The following FLVCR2 variants were observed in gnomAD, a reference collection of about 807,000 sequenced individuals.
The protein encoded by FLVCR2 is FLVCR choline and putative heme transporter 2.
In FLVCR2, 38 loss-of-function variants were observed where a neutral mutation model predicts 48.9. That is an observed-to-expected ratio of 0.78 (90% CI 0.60 to 1.02). The LOEUF (loss-of-function observed/expected upper bound fraction) is 1.02. Ranked by LOEUF, FLVCR2 falls within the 50% of genes least tolerant of loss-of-function variation. The pLI, the probability that FLVCR2 is intolerant of heterozygous loss-of-function variation, is 0.00. For synonymous variants in FLVCR2, 255 were observed against 257.0 expected (o/e 0.99, Z 0.07); for missense variants, 664 against 663.3 (o/e 1.00, Z -0.01).
chr14:75,607,346 G>A (rs1286351092), intron 1 of FLVCR2, among the ~76,000 whole-genome samples: 3 of 152,078 alleles, frequency 2.0e-5, no homozygotes, highest in Non-Finnish European at 2.9e-5. Flanking sequence ...AAAGGTAAAC[G>A]GAGGTGCAAT....
rs1392504596 is a variant in FLVCR2 at position 75,641,930 on chromosome 14, T to C, written c.1509+32T>C. 1.9e-6 allele frequency: 3 copies of C among 1,603,868 alleles called. No individual in the cohort carries two copies. The African/African-American group carries it at 4.0e-5, about 21-fold the overall frequency. ...ATATGGGAGCTTTGTGGGGCTGAGA[T>C]CGGGGTCCAAGGCTTTTGATGAGGA... is the stretch of plus-strand genomic sequence containing the variant. On this transcript the variant is annotated intron_variant, in intron 9 of 9. Coordinates refer to ENST00000238667, the MANE Select transcript of FLVCR2 (RefSeq NM_017791.3).
At chr14:75,641,970 T>C (rs371558489) in intron 9 of FLVCR2, 72 bp downstream of exon 9, 187 of 1,374,508 alleles carry the variant, frequency 1.4e-4, no homozygotes, top group Non-Finnish European at 1.9e-4. Flanking sequence ...GCAACATAGA[T>C]GGGGCAGGGA....
chr14:75,579,053 C>T lies in FLVCR2; in HGVS notation c.81C>T (p.Val27=). 1 of 1,601,396 alleles carries T rather than the reference C, an allele frequency of 6.2e-7. No individual in the cohort carries two copies. Among genetic ancestry groups the T allele is most frequent in the Non-Finnish European group, 8.5e-7 (1 of 1,171,564 alleles). The change falls in exon 1 of 10, where the codon GTC becomes GTT. Residue 27 remains valine (V), a synonymous_variant. Transcript: ENST00000238667. ...PESALQADPS[V]SVHPSVSVHP... ...CCGCACTCCAAGCGGACCCCAGCGT[C>T]TCGGTCCATCCCAGCGTCTCGGTCC...
At chr14:75,585,720 G>A (rs1012295063) in intron 1 of FLVCR2, among the ~76,000 whole-genome samples, 6 of 152,186 alleles carry the variant, frequency 3.9e-5, no homozygotes, top group African/African-American at 1.4e-4. Flanking sequence ...AGGCGTCCCC[G>A]CAATGATTAA....
chr14:75,612,971 A>T (rs1889498119), intron 1 of FLVCR2, among the ~76,000 whole-genome samples: 1 of 152,238 alleles, frequency 6.6e-6, no homozygotes, highest in Non-Finnish European at 1.5e-5. Context: ...GCCAAGGGGT[A>T]GAGAGCAGTA....
chr14:75,604,882 C>A (rs932493415), intron 1 of FLVCR2, among the ~76,000 whole-genome samples: 2 of 152,130 alleles, frequency 1.3e-5, no homozygotes, highest in Non-Finnish European at 2.9e-5. Flanking sequence ...AAACTAAAAG[C>A]AATATGGGTG....
Position 75,641,778 on chromosome 14 carries a change from C to A in FLVCR2, c.1454-65C>A. On this transcript the variant is annotated intron_variant, in intron 8 of 9. Transcript: ENST00000238667. ...TGTGACCCTTAGGAAATGAAGGTTT[C>A]TTCTCTCGGATGAACGTGATAACTG... The A allele has an allele frequency of 4.2e-6, 6 of 1,428,270 alleles. No individual in the cohort carries two copies. In the South Asian group the frequency reaches 4.6e-5, roughly 11 times the overall value. 88.5% of individuals were successfully genotyped at this position (1,428,270 alleles called of 1,614,324 possible). A position where few individuals can be genotyped will look rare whatever the true frequency, so the allele number is the denominator to read the frequency against.
chr14:75,587,648 A>G lies in FLVCR2; in HGVS notation c.669+8007A>G, dbSNP rs1444271411. 2.6e-5 allele frequency among the ~76,000 whole-genome samples: 4 copies of G among 152,324 alleles called. No individual in the cohort carries two copies. In the South Asian group the frequency reaches 6.2e-4, roughly 24 times the overall value. On this transcript the variant is annotated intron_variant, in intron 1 of 9. Transcript: ENST00000238667. ...TGACCAGTTGCCCCCAGGTAGTAACAGCCTGGAATTTTTAGCAACACTTGT... is the reference window on the plus strand; with the variant it reads ...TGACCAGTTGCCCCCAGGTAGTAACGGCCTGGAATTTTTAGCAACACTTGT...
At chr14:75,587,320 A>T (rs1024707234) in intron 1 of FLVCR2, among the ~76,000 whole-genome samples, 1 of 152,156 alleles carries the variant, frequency 6.6e-6, no homozygotes, top group East Asian at 1.9e-4. Flanking sequence ...TCAAGCATAC[A>T]TGTAAAAAAA....
At position 75,578,901 on chromosome 14, in the gene FLVCR2, G is replaced by A; in HGVS notation, c.-72G>A. On this transcript the variant is annotated 5_prime_UTR_variant, in exon 1 of 10. Coordinates refer to ENST00000238667, the MANE Select transcript of FLVCR2 (RefSeq NM_017791.3). The stretch of plus-strand genomic sequence containing the variant: ...GTGTCCTTTCAACTCTAAGAGACCA[G>A]CAGAGGCCACTGTCCCTTAAGACTG... 1 of 1,388,606 alleles carries A rather than the reference G, an allele frequency of 7.2e-7. No homozygotes were observed. Among genetic ancestry groups the A allele is most frequent in the Non-Finnish European group, 1.0e-6 (1 of 976,692 alleles). The allele number at this position is 1,388,606 out of a possible 1,614,324, so 86.0% of individuals were successfully genotyped here.
chr14:75,635,425 C>T (rs549557019), intron 5 of FLVCR2, among the ~76,000 whole-genome samples: 10 of 152,218 alleles, frequency 6.6e-5, no homozygotes, highest in African/African-American at 1.7e-4. Flanking sequence ...CCTTGTGGAC[C>T]CCATGGGGTT....
intron 1 of FLVCR2, chr14:75,605,516 A>C (rs1377267717): frequency 2.7e-5 from 41 of 1,532,478 alleles, no homozygotes; most frequent in Non-Finnish European, 3.2e-5. Context: ...GCTGTGCAAA[A>C]ACTTGAGCTC....
chr14:75,639,469 T>G lies in FLVCR2; in HGVS notation c.1235+7T>G, dbSNP rs200549686. On this transcript the variant is annotated splice_region_variant and intron_variant, in intron 6 of 9. Coordinates refer to ENST00000238667, the MANE Select transcript of FLVCR2 (RefSeq NM_017791.3). ...TCACTGCTGGCACAATGGGGTAAGT[T>G]TCACCTCTGGCTGATTTATTAGAAA... 18 of 1,575,638 alleles carry G rather than the reference T, an allele frequency of 1.1e-5. 1 individual carries two copies. Among genetic ancestry groups the G allele is most frequent in the South Asian group, 7.8e-5 (7 of 90,282 alleles).
intron 1 of FLVCR2, among the ~76,000 whole-genome samples, chr14:75,591,755 C>A (rs554024120): frequency 2.0e-5 from 3 of 151,784 alleles, no homozygotes; most frequent in Non-Finnish European, 2.9e-5. Flanking sequence ...GTGGCTCCCC[C>A]ACATGGCAGG....
At chr14:75,604,956 C>T (rs967924227) in intron 1 of FLVCR2, among the ~76,000 whole-genome samples, 4 of 152,182 alleles carry the variant, frequency 2.6e-5, no homozygotes, top group Non-Finnish European at 4.4e-5. Context: ...TGGGGTGACA[C>T]AGATACTCAC....
At chr14:75,591,799 T>C (rs1272233870) in intron 1 of FLVCR2, among the ~76,000 whole-genome samples, 2 of 148,984 alleles carry the variant, frequency 1.3e-5, no homozygotes, top group African/African-American at 5.0e-5. Flanking sequence ...TCTTTTTCTC[T>C]TCATTCCTTT....
At chr14:75,599,928 C>A (rs1239891559) in intron 1 of FLVCR2, among the ~76,000 whole-genome samples, 1 of 152,096 alleles carries the variant, frequency 6.6e-6, no homozygotes, top group East Asian at 1.9e-4. Flanking sequence ...CTTGTGTTGT[C>A]AGAGGCGTTT....
At chr14:75,587,407 G>A (rs1888777616) in intron 1 of FLVCR2, among the ~76,000 whole-genome samples, 1 of 152,080 alleles carries the variant, frequency 6.6e-6, no homozygotes, top group Non-Finnish European at 1.5e-5. Flanking sequence ...CAGCAGTTTT[G>A]TTTAGAGTTT....
Position 75,578,711 on chromosome 14 carries a change from G to A in FLVCR2, c.-262G>A. On this transcript the variant is annotated 5_prime_UTR_variant, in exon 1 of 10. Transcript: ENST00000238667. Reference sequence around the variant, plus strand: ...GGGAGACCCAAGGCAGGAGCGGTCCGGAGCCGGCTGCGGCGTGTGCGGCCG... The same window carrying A: ...GGGAGACCCAAGGCAGGAGCGGTCCAGAGCCGGCTGCGGCGTGTGCGGCCG... The A allele has an allele frequency of 1.8e-6, 1 of 570,624 alleles. No individual in the cohort carries two copies. The highest frequency in any genetic ancestry group is 3.1e-6 in the Non-Finnish European group (1 of 320,484). 35.3% of individuals were successfully genotyped at this position (570,624 alleles called of 1,614,324 possible).
Sources: allele counts gnomAD v4.1 joint callset (sites outside exome capture counted in the v4.1 genomes callset), GRCh38; gene constraint gnomAD v4.1.1; transcripts MANE v1.5; gene names NCBI Gene and HGNC (gene_info 2026-07-23, HGNC 2026-07-21).